Variants in LSM6 observed in about 807,000 individuals in gnomAD.
LSM6 encodes the protein LSM6 homolog, U6 small nuclear RNA and mRNA degradation associated, also known as U6 snRNA-associated Sm-like protein LSm6.
A neutral mutation model predicts 13.5 loss-of-function variants in LSM6; 2 were observed. That is an observed-to-expected ratio of 0.15 (90% confidence interval 0.06 to 0.47). LSM6 has a LOEUF of 0.47. LSM6 is among the 20% of genes least tolerant of loss of function. LSM6 has a pLI of 0.97. For missense variants in LSM6, 58 were observed against 96.4 expected (o/e 0.60, Z 1.67); for synonymous variants, 43 against 34.9 (o/e 1.23, Z -0.82).
intron 2 of LSM6, 127 bp from the exon 3 acceptor site, chr4:146,187,147 G>C: frequency 1.7e-6 from 1 of 591,682 alleles, no homozygotes; most frequent in South Asian, 2.2e-5. Context: ...TTCATTTATG[G>C]TGTGAATTTT....
chr4:146,184,057 T>C (rs1385685306), intron 2 of LSM6, among the ~76,000 whole-genome samples: 1 of 152,094 alleles, frequency 6.6e-6, no homozygotes, highest in Non-Finnish European at 1.5e-5. Context: ...TTCAGTTGTC[T>C]GGTGAGGGCT....
intron 3 of LSM6, among the ~76,000 whole-genome samples, chr4:146,188,827 A>G (rs888992846): frequency 6.0e-5 from 9 of 150,886 alleles, no homozygotes; most frequent in Admixed American, 4.6e-4. Flanking sequence ...AAATAAAAAT[A>G]AAAAATAAAC....
intron 1 of LSM6, among the ~76,000 whole-genome samples, chr4:146,182,699 T>C (rs1012655644): frequency 6.6e-6 from 1 of 152,264 alleles, no homozygotes. Context: ...ACTGATAAGA[T>C]AATGCATGTA....
chr4:146,180,198 C>T (rs570427628), intron 1 of LSM6, among the ~76,000 whole-genome samples: 1 of 152,354 alleles, frequency 6.6e-6, no homozygotes, highest in Non-Finnish European at 1.5e-5. Context: ...CCCTTTTGTG[C>T]ATAATTCTAT....
rs1730429683 is a variant in LSM6, at chr4:146,189,779, CATGTGAGT to C, written c.*125_*132del. 1.5e-6 allele frequency: 1 copy of C among 661,744 alleles called. No homozygotes were observed. Among genetic ancestry groups the C allele is most frequent in the Non-Finnish European group, 2.7e-6 (1 of 374,132 alleles). The allele number at this position is 661,744 out of a possible 1,614,324, so 41.0% of individuals were successfully genotyped here. ...ATAATAGTTGGTGATTTTTCACTGACATGTGAGTAAGATAAATGTATACAATTGTGGAT... is the reference window on the plus strand; with the variant it reads ...ATAATAGTTGGTGATTTTTCACTGACAAGATAAATGTATACAATTGTGGAT... On this transcript the variant is annotated 3_prime_UTR_variant, in exon 4 of 4. Coordinates refer to ENST00000296581, the MANE Select transcript of LSM6 (RefSeq NM_007080.3).
chr4:146,185,086 A>C (rs1283777337), intron 2 of LSM6, among the ~76,000 whole-genome samples: 1 of 152,156 alleles, frequency 6.6e-6, no homozygotes, highest in Non-Finnish European at 1.5e-5. Context: ...GGTGTTGACC[A>C]GTTTTTTGCC....
At chr4:146,180,546 C>CT (rs1160748494) in intron 1 of LSM6, among the ~76,000 whole-genome samples, 1 of 152,244 alleles carries the variant, frequency 6.6e-6, no homozygotes, top group South Asian at 2.1e-4. Context: ...GATTTGCATT[C>CT]TTTTTTCTGA....
chr4:146,185,386 T>C (rs558829856), intron 2 of LSM6, among the ~76,000 whole-genome samples: 2 of 152,028 alleles, frequency 1.3e-5, no homozygotes, highest in Admixed American at 6.6e-5. Flanking sequence ...TTTCCTCTTA[T>C]GAATGGCCTT....
chr4:146,176,321 C>T (rs1456514215), intron 1 of LSM6: 2 of 152,272 alleles, frequency 1.3e-5, no homozygotes, highest in African/African-American at 4.8e-5. Context: ...AGGCTGGACT[C>T]GCCTGTCTTA....
At chr4:146,177,181 G>T (rs1253822273) in intron 1 of LSM6, among the ~76,000 whole-genome samples, 2 of 152,162 alleles carry the variant, frequency 1.3e-5, no homozygotes, top group African/African-American at 4.8e-5. Context: ...AGTTATCCAA[G>T]TCACACAGCT....
intron 3 of LSM6, among the ~76,000 whole-genome samples, chr4:146,188,801 C>G (rs915063154): frequency 2.0e-5 from 3 of 151,854 alleles, no homozygotes; most frequent in Non-Finnish European, 4.4e-5. Flanking sequence ...AGAATAAGGA[C>G]TTTGGTATCA....
chr4:146,181,498 C>G (rs1173777819), intron 1 of LSM6, among the ~76,000 whole-genome samples: 1 of 152,148 alleles, frequency 6.6e-6, no homozygotes, highest in Non-Finnish European at 1.5e-5. Context: ...AACTGCTGAT[C>G]CCGTGTGAAT....
chr4:146,187,638 C>T (rs1055803114), intron 3 of LSM6: 2 of 352,846 alleles, frequency 5.7e-6, no homozygotes, highest in African/African-American at 4.1e-5. Flanking sequence ...TTACCTGGAA[C>T]CCTGCTTTCT....
intron 1 of LSM6, among the ~76,000 whole-genome samples, chr4:146,179,499 G>T (rs1730185053): frequency 6.6e-6 from 1 of 152,200 alleles, no homozygotes; most frequent in African/African-American, 2.4e-5. Flanking sequence ...TTCCTAAAGT[G>T]ATGGATAAAA....
chr4:146,182,848 G>A (rs1389375516), intron 1 of LSM6, 64 bp from the exon 2 acceptor site: 1 of 937,228 alleles, frequency 1.1e-6, no homozygotes. Context: ...GGGCTTTAAG[G>A]GTTTTGTTGA....
rs188014246 is a variant in LSM6, at chr4:146,189,782, G to T, written c.*126G>T. ...ATAGTTGGTGATTTTTCACTGACAT[G>T]TGAGTAAGATAAATGTATACAATTG... On this transcript the variant is annotated 3_prime_UTR_variant, in exon 4 of 4. Transcript: ENST00000296581. 7.6e-6 allele frequency: 5 copies of T among 656,836 alleles called. 1 individual carries two copies. Among genetic ancestry groups the T allele is most frequent in the African/African-American group, 5.5e-5 (3 of 54,272 alleles). 40.7% of individuals were successfully genotyped at this position (656,836 alleles called of 1,614,324 possible).
rs554283352 is a variant in LSM6, at chr4:146,188,360, G to T, written c.208+973G>T. ...TGGCAGGTTGGGTTCTGTGCGTGTT[G>T]ATAGGGTAGATCCTTTAACGTGCAC... On this transcript the variant is annotated intron_variant, in intron 3 of 3. Transcript: ENST00000296581. Among the ~76,000 whole-genome samples, 3 of 152,112 alleles carry T rather than the reference G, an allele frequency of 2.0e-5. No homozygotes were observed. The East Asian group carries it at 5.8e-4, about 29-fold the overall frequency.
Position 146,189,905 on chromosome 4 carries a change from C to T in LSM6, c.*249C>T. 2.6e-6 allele frequency: 1 copy of T among 381,160 alleles called. No individual in the cohort carries two copies. Among genetic ancestry groups the T allele is most frequent in the Non-Finnish European group, 4.6e-6 (1 of 215,418 alleles). The allele number at this position is 381,160 out of a possible 1,614,324, so 23.6% of individuals were successfully genotyped here. ...GAATGCTAAAATAATTAAAAAAAGA[C>T]AAAATATACCTCTTCCTACAAGATT... On this transcript the variant is annotated 3_prime_UTR_variant, in exon 4 of 4. Transcript: ENST00000296581.
chr4:146,178,402 C>G (rs1442525704), intron 1 of LSM6, among the ~76,000 whole-genome samples: 36 of 152,116 alleles, frequency 2.4e-4, no homozygotes, highest in Admixed American at 6.5e-5. Flanking sequence ...CCCCTGCTGC[C>G]GAGGAAGGAG....
Sources: allele counts gnomAD v4.1 joint callset (sites outside exome capture counted in the v4.1 genomes callset), GRCh38; gene constraint gnomAD v4.1.1; transcripts MANE v1.5; gene names NCBI Gene and HGNC (gene_info 2026-07-23, HGNC 2026-07-21).